The following DPP6 variants were observed in gnomAD, a reference collection of about 807,000 sequenced individuals.
DPP6 encodes A-type potassium channel modulatory protein DPP6.
Under a neutral mutation model 122.6 loss-of-function variants are expected in DPP6, and 69 were observed. The ratio of observed to expected loss-of-function variants is 0.56; its 90% CI spans 0.46 to 0.69. The LOEUF (loss-of-function observed/expected upper bound fraction) is 0.69. Among genes scored for constraint, DPP6 ranks in the 30% least tolerant of loss-of-function variants. The pLI is 0.00. For missense variants in DPP6, 928 were observed against 1,116.9 expected, an observed-to-expected ratio of 0.83 and a Z score of 2.41; for synonymous variants, 418 against 433.1, an observed-to-expected ratio of 0.97 and a Z score of 0.43.
chr7:153,839,348 C>T, the DPP6 span, among the ~76,000 whole-genome samples: 5 of 152,180 alleles, frequency 3.3e-5, no homozygotes, highest in African/African-American at 1.2e-4. Context: ...GTGGTCCCTT[C>T]GAGGTTTCAC....
intron 1 of DPP6, among the ~76,000 whole-genome samples, chr7:154,064,099 A>C (rs1032203010): frequency 6.6e-6 from 1 of 152,152 alleles, no homozygotes; most frequent in South Asian, 2.1e-4. Flanking sequence ...GAGTTGTTCA[A>C]TGGTAGGACA....
chr7:154,250,131 C>A (rs992799274), intron 1 of DPP6, among the ~76,000 whole-genome samples: 2 of 152,202 alleles, frequency 1.3e-5, no homozygotes, highest in Non-Finnish European at 2.9e-5. Context: ...TGATCACGAC[C>A]CTCTCAAGCG....
At chr7:154,265,537 C>A (rs1391348684) in intron 1 of DPP6, among the ~76,000 whole-genome samples, 1 of 152,134 alleles carries the variant, frequency 6.6e-6, no homozygotes, top group Admixed American at 6.6e-5. Flanking sequence ...TAGAAGTAGA[C>A]AATCATGTTG....
the DPP6 span, among the ~76,000 whole-genome samples, chr7:153,855,695 A>G: frequency 5.3e-5 from 8 of 152,126 alleles, no homozygotes; most frequent in African/African-American, 1.4e-4. Context: ...GCACACCTCA[A>G]CACTCAGCCA....
intron 1 of DPP6, among the ~76,000 whole-genome samples, chr7:154,160,905 G>A (rs1012232816): frequency 1.3e-5 from 2 of 152,100 alleles, no homozygotes; most frequent in Admixed American, 6.5e-5. Context: ...ATGCAAAACC[G>A]CCGACAGCAA....
chr7:154,359,471 C>T (rs1811546785), intron 1 of DPP6, among the ~76,000 whole-genome samples: 1 of 152,122 alleles, frequency 6.6e-6, no homozygotes. Flanking sequence ...TGCTCCTCCT[C>T]ACCTATGCTC....
the DPP6 span, among the ~76,000 whole-genome samples, chr7:153,748,336 G>A: frequency 2.0e-5 from 3 of 150,352 alleles, no homozygotes; most frequent in Non-Finnish European, 3.0e-5. Flanking sequence ...AAGAGTGGGC[G>A]CCAGTCCCTC....
At chr7:154,691,259 A>C (rs1465189590) in intron 7 of DPP6, among the ~76,000 whole-genome samples, 1 of 152,178 alleles carries the variant, frequency 6.6e-6, no homozygotes, top group Admixed American at 6.5e-5. Flanking sequence ...CAATTCTCTC[A>C]AACTTCTGTT....
At chr7:154,167,165 G>A (rs976987786) in intron 1 of DPP6, among the ~76,000 whole-genome samples, 2 of 151,962 alleles carry the variant, frequency 1.3e-5, no homozygotes, top group African/African-American at 2.4e-5. Context: ...TTGGTCTCAG[G>A]CTGCTGACCT....
At chr7:154,784,840 C>A (rs151273376) in intron 10 of DPP6, among the ~76,000 whole-genome samples, 563 of 152,342 alleles carry the variant, frequency 3.7e-3, no homozygotes, top group Middle Eastern at 0.014. Flanking sequence ...AAGACTTAAT[C>A]ATTCCCATCC....
At chr7:154,021,870 C>G (rs1038971446) in intron 1 of DPP6, among the ~76,000 whole-genome samples, 2 of 152,202 alleles carry the variant, frequency 1.3e-5, no homozygotes, top group African/African-American at 4.8e-5. Flanking sequence ...TCTTCTTCAT[C>G]TACCCATTCA....
intron 1 of DPP6, among the ~76,000 whole-genome samples, chr7:154,313,716 C>CATATATATATATGCAT (rs1563460534): frequency 4.5e-5 from 1 of 22,314 alleles, no homozygotes; most frequent in African/African-American, 1.1e-4. Flanking sequence ...TATATATATA[C>CATATATATATATGCAT]ACACACACGC....
chr7:154,322,084 G>A (rs1808021477), intron 1 of DPP6, among the ~76,000 whole-genome samples: 1 of 123,642 alleles, frequency 8.1e-6, no homozygotes, highest in South Asian at 2.8e-4. Flanking sequence ...CTCTAGAAGA[G>A]CAGACCCTCA....
intron 2 of DPP6, among the ~76,000 whole-genome samples, chr7:154,473,152 T>C (rs1434004383): frequency 6.6e-6 from 1 of 152,226 alleles, no homozygotes; most frequent in East Asian, 1.9e-4. Context: ...CTTAAGAATG[T>C]CTCAGGAAGT....
intron 1 of DPP6, among the ~76,000 whole-genome samples, chr7:154,437,874 T>C (rs1552733): frequency 0.67 from 102,593 of 152,006 alleles, 34,715 homozygotes; most frequent in East Asian, 0.77. Context: ...GAGGCAGAGA[T>C]TGTAGTGAGC....
chr7:154,399,301 T>G (rs548822002), intron 1 of DPP6, among the ~76,000 whole-genome samples: 1 of 152,216 alleles, frequency 6.6e-6, no homozygotes, highest in Non-Finnish European at 1.5e-5. Flanking sequence ...AGTCTTTATG[T>G]TCAAATGCAA....
chr7:154,253,382 G>T (rs1802472688), intron 1 of DPP6, among the ~76,000 whole-genome samples: 1 of 152,198 alleles, frequency 6.6e-6, no homozygotes, highest in Non-Finnish European at 1.5e-5. Context: ...TTCCCTACCT[G>T]CAGGGGAAAG....
intron 1 of DPP6, among the ~76,000 whole-genome samples, chr7:154,197,936 C>G (rs1798954161): frequency 6.6e-6 from 1 of 152,148 alleles, no homozygotes; most frequent in African/African-American, 2.4e-5. Flanking sequence ...GCGGCCCACC[C>G]AGGAAAGGGC....
chr7:154,630,757 G>C (rs10254027), intron 5 of DPP6, among the ~76,000 whole-genome samples: 8,105 of 152,058 alleles, frequency 0.053, 686 homozygotes, highest in African/African-American at 0.18. Flanking sequence ...ACACCGGGAG[G>C]GGAACATCAC....
Sources: gnomAD v4.1 joint callset for allele counts (sites outside exome capture counted in the v4.1 genomes callset) on GRCh38, gnomAD v4.1.1 for gene constraint, MANE v1.5 for transcripts, NCBI Gene and HGNC (gene_info 2026-07-23, HGNC 2026-07-21) for gene names.